Variants in PAPPA observed in about 807,000 individuals in gnomAD.
PAPPA encodes the protein pappalysin 1, also known as pappalysin-1.
Under a neutral mutation model 164.0 loss-of-function variants are expected in PAPPA, and 60 were observed. The observed-to-expected ratio is 0.37, with a 90% CI of 0.30 to 0.45. The LOEUF is 0.45. Among genes scored for constraint, PAPPA ranks in the 20% least tolerant of loss-of-function variants. The pLI, the probability that PAPPA is intolerant of heterozygous loss-of-function variation, is 1.00. For missense variants in PAPPA, 1,782 were observed against 2,087.3 expected, an observed-to-expected ratio of 0.85 and a Z score of 2.85; for synonymous variants, 875 against 814.1, an observed-to-expected ratio of 1.07 and a Z score of -1.27.
At chr9:116,337,826 T>G (rs1341966836) in intron 13 of PAPPA, among the ~76,000 whole-genome samples, 1 of 152,166 alleles carries the variant, frequency 6.6e-6, no homozygotes, top group Non-Finnish European at 1.5e-5. Flanking sequence ...TTGGGCAATG[T>G]GTTCCACTCT....
chr9:116,314,860 A>G (rs1223702913), intron 10 of PAPPA, among the ~76,000 whole-genome samples: 1 of 152,158 alleles, frequency 6.6e-6, no homozygotes, highest in Non-Finnish European at 1.5e-5. Flanking sequence ...TGTACAGAAT[A>G]CTTCTGGAAT....
intron 18 of PAPPA, among the ~76,000 whole-genome samples, chr9:116,364,558 C>G (rs1445659076): frequency 4.6e-5 from 7 of 152,172 alleles, no homozygotes; most frequent in Non-Finnish European, 8.8e-5. Flanking sequence ...ATACACAGCA[C>G]TCACATGCAA....
At position 116,399,222 on chromosome 9, in the gene PAPPA, G is replaced by A. The variant is rs956219474; in HGVS notation, c.*2606G>A. Reference sequence around the variant, plus strand: ...GCTGACTTGTATCTTCAGACTCACAGAGTGAATTCAGCTCTTCTGAATCAA... The same window carrying A: ...GCTGACTTGTATCTTCAGACTCACAAAGTGAATTCAGCTCTTCTGAATCAA... On this transcript the variant is annotated 3_prime_UTR_variant, in exon 22 of 22. Coordinates refer to ENST00000328252, the MANE Select transcript of PAPPA (RefSeq NM_002581.5). 1 of 153,146 alleles carries A rather than the reference G, an allele frequency of 6.5e-6. No homozygotes were observed. The highest frequency in any genetic ancestry group is 1.5e-5 in the Non-Finnish European group (1 of 68,558). The allele number at this position is 153,146 out of a possible 1,614,324, so 9.5% of individuals were successfully genotyped here. A position where few individuals can be genotyped will look rare whatever the true frequency, so the allele number is the denominator to read the frequency against.
intron 6 of PAPPA, among the ~76,000 whole-genome samples, chr9:116,234,902 G>C (rs1046590007): frequency 6.6e-6 from 1 of 152,144 alleles, no homozygotes; most frequent in East Asian, 1.9e-4. Context: ...TCGGTAGTGA[G>C]ATGAAAGCAG....
chr9:116,214,878 T>C (rs927029128), intron 4 of PAPPA, among the ~76,000 whole-genome samples: 1 of 152,182 alleles, frequency 6.6e-6, no homozygotes, highest in Non-Finnish European at 1.5e-5. Context: ...ATTCCACTTC[T>C]AAGGAATATA....
At chr9:116,361,746 C>T (rs1050016243) in intron 17 of PAPPA, among the ~76,000 whole-genome samples, 4 of 152,172 alleles carry the variant, frequency 2.6e-5, no homozygotes, top group African/African-American at 9.7e-5. Flanking sequence ...ACTGCCATTC[C>T]CACTAGATCG....
At chr9:116,197,370 A>G (rs929047837) in intron 2 of PAPPA, among the ~76,000 whole-genome samples, 2 of 152,168 alleles carry the variant, frequency 1.3e-5, no homozygotes, top group Non-Finnish European at 2.9e-5. Context: ...ACTTGAGTAC[A>G]AAGTGTTCAG....
chr9:116,236,283 T>G (rs1181240132), intron 7 of PAPPA, among the ~76,000 whole-genome samples: 5 of 152,010 alleles, frequency 3.3e-5, no homozygotes, highest in African/African-American at 9.7e-5. Context: ...AAGTAGTACT[T>G]GTCTTTCATA....
chr9:116,346,876 G>A, intron 14 of PAPPA, 150 bp from the exon 15 acceptor site: 1 of 567,910 alleles, frequency 1.8e-6, no homozygotes, highest in Non-Finnish European at 3.1e-6. Context: ...GAGTTATTGG[G>A]ATCATTAAAA....
rs551972150 is a variant in PAPPA, at chr9:116,169,378, G to A, written c.415+14791G>A. Among the ~76,000 whole-genome samples the A allele has an allele frequency of 2.0e-4, 27 of 134,256 alleles. No homozygotes were observed. The South Asian group carries it at 5.5e-3, about 28-fold the overall frequency. 88.1% of individuals were successfully genotyped at this position (134,256 alleles called of 152,430 possible). On this transcript the variant is annotated intron_variant, in intron 1 of 21. Coordinates refer to ENST00000328252, the MANE Select transcript of PAPPA (RefSeq NM_002581.5). ...TCTGTCACTCAGGCTGGAGTGCAGT[G>A]GCACAATCTTGGCTTACTGCAACCT...
chr9:116,387,558 G>GAGAA (rs1412647881), intron 21 of PAPPA, among the ~76,000 whole-genome samples: 1 of 152,070 alleles, frequency 6.6e-6, no homozygotes. Context: ...ATTTTTTGTA[G>GAGAA]AGAAAGCAGT....
Position 116,200,343 on chromosome 9 carries a change from A to G in PAPPA, c.1479-7113A>G, listed in dbSNP as rs1844157645. Among the ~76,000 whole-genome samples, 3 of 152,032 alleles carry G rather than the reference A, an allele frequency of 2.0e-5. No individual in the cohort carries two copies. In the South Asian group the frequency reaches 6.2e-4, roughly 32 times the overall value. The stretch of plus-strand genomic sequence containing the variant: ...CTCTCATTATATTTAACACCCACCC[A>G]CTCTATCATAACACATATAATAACA... On this transcript the variant is annotated intron_variant, in intron 2 of 21. Coordinates refer to ENST00000328252, the MANE Select transcript of PAPPA (RefSeq NM_002581.5).
intron 21 of PAPPA, among the ~76,000 whole-genome samples, chr9:116,384,038 G>T (rs944841606): frequency 2.0e-5 from 3 of 151,958 alleles, no homozygotes; most frequent in African/African-American, 7.2e-5. Flanking sequence ...AAGTGTGAGG[G>T]TATTTTTGTC....
intron 1 of PAPPA, among the ~76,000 whole-genome samples, chr9:116,173,187 A>C (rs1843793033): frequency 6.6e-6 from 1 of 152,178 alleles, no homozygotes; most frequent in Non-Finnish European, 1.5e-5. Flanking sequence ...TCTAAACCCT[A>C]TTTATCCATT....
chr9:116,260,901 T>G (rs1157134984), intron 7 of PAPPA, among the ~76,000 whole-genome samples: 1 of 152,234 alleles, frequency 6.6e-6, no homozygotes, highest in African/African-American at 2.4e-5. Context: ...GGTCTTTGTA[T>G]GTAAGGTCTT....
At chr9:116,313,282 C>G (rs996966834) in intron 10 of PAPPA, among the ~76,000 whole-genome samples, 1 of 152,066 alleles carries the variant, frequency 6.6e-6, no homozygotes, top group African/African-American at 2.4e-5. Flanking sequence ...AAAGTTGTCC[C>G]TGGGGCTCCT....
At chr9:116,210,209 C>T (rs528658063) in intron 3 of PAPPA, among the ~76,000 whole-genome samples, 66 of 152,288 alleles carry the variant, frequency 4.3e-4, no homozygotes, top group African/African-American at 1.6e-3. Flanking sequence ...CTCACATGCC[C>T]TCTCACACAT....
Position 116,154,517 on chromosome 9 carries a change from C to G in PAPPA, c.345C>G (p.Pro115=), listed in dbSNP as rs1012793001. The G allele has an allele frequency of 2.1e-6, 3 of 1,397,902 alleles. No individual in the cohort carries two copies. Among genetic ancestry groups the G allele is most frequent in the Non-Finnish European group, 2.8e-6 (3 of 1,073,898 alleles). 86.6% of individuals were successfully genotyped at this position (1,397,902 alleles called of 1,614,324 possible). The change falls in exon 1 of 22, where the codon CCC becomes CCG. Residue 115 remains proline (P), a synonymous_variant. Coordinates refer to ENST00000328252, the MANE Select transcript of PAPPA (RefSeq NM_002581.5). The surrounding 1 kb of genome is among the most constrained non-coding windows in gnomAD (Gnocchi z 5.2). ...QLRLRADLEL[P]RDAFTLQVWL... The stretch of plus-strand genomic sequence containing the variant: ...GCCTCCGGGCCGACCTCGAGCTGCC[C>G]CGGGACGCGTTCACGCTGCAAGTGT...
chr9:116,358,591 G>A (rs191547779), intron 17 of PAPPA, among the ~76,000 whole-genome samples: 2 of 152,316 alleles, frequency 1.3e-5, no homozygotes, highest in Admixed American at 1.3e-4. Flanking sequence ...TGCCTCCAAA[G>A]CTTAGCCATC....
Sources: gnomAD v4.1 joint callset for allele counts (sites outside exome capture counted in the v4.1 genomes callset) on GRCh38, gnomAD v4.1.1 for gene constraint, Gnocchi (gnomAD v3.1) non-coding constraint, MANE v1.5 for transcripts, NCBI Gene and HGNC (gene_info 2026-07-23, HGNC 2026-07-21) for gene names.